ZNF469: variants seen among roughly 807,000 people sequenced by gnomAD.
The protein encoded by ZNF469 is zinc finger protein 469.
Under a neutral mutation model 1.0 loss-of-function variants are expected in ZNF469, and 1 was observed. The ratio of observed to expected loss-of-function variants is 1.00; its 90% confidence interval spans 0.35 to 4.73. The LOEUF (loss-of-function observed/expected upper bound fraction) is 4.73, where lower values mean the gene tolerates loss of function less well. Among genes scored for constraint, ZNF469 ranks in the 30% most tolerant of loss-of-function variants. ZNF469 has a pLI of 0.16. For synonymous variants in ZNF469, 2,703 were observed against 2,363.4 expected, an observed-to-expected ratio of 1.14 and a Z score of -4.17; for missense variants, 6,100 against 5,356.3, an observed-to-expected ratio of 1.14 and a Z score of -4.33.
At chr16:88,134,374 G>A in the ZNF469 span, among the ~76,000 whole-genome samples, 1 of 152,198 alleles carries the variant, frequency 6.6e-6, no homozygotes, top group Non-Finnish European at 1.5e-5. Flanking sequence ...CATGTGCTGG[G>A]AGCTGGGGAC....
the ZNF469 span, among the ~76,000 whole-genome samples, chr16:88,300,126 A>G: frequency 6.6e-6 from 1 of 152,164 alleles, no homozygotes; most frequent in African/African-American, 2.4e-5. Context: ...TGGGAAAAGG[A>G]AACTGGAATT....
the ZNF469 span, among the ~76,000 whole-genome samples, chr16:88,124,463 T>C: frequency 2.0e-5 from 3 of 151,140 alleles, no homozygotes; most frequent in African/African-American, 7.3e-5. Context: ...GCTCAAGCAA[T>C]CCACCAGCCT....
Position 88,432,533 on chromosome 16 carries a change from G to T in ZNF469, c.5063G>T (p.Arg1688Met). 6.5e-7 allele frequency: 1 copy of T among 1,550,362 alleles called. No individual in the cohort carries two copies. The highest frequency in any genetic ancestry group is 8.7e-7 in the Non-Finnish European group (1 of 1,146,976). Residue 1688 changes from arginine (R) to methionine (M), a missense_variant, in exon 3 of 3, where the codon AGG (arginine) becomes ATG (methionine). Physicochemically the swap from Arg to Met is moderately conservative, Grantham distance 91. Transcript: ENST00000565624. ...DLVSGAPFSP[R>M]GANFHFQPVQ... ...GTTTCTGGGGCTCCTTTCAGCCCCA[G>T]GGGAGCCAACTTCCATTTTCAGCCA...
chr16:88,318,200 G>A, the ZNF469 span, among the ~76,000 whole-genome samples: 1 of 152,230 alleles, frequency 6.6e-6, no homozygotes, highest in Non-Finnish European at 1.5e-5. Context: ...CTGGAGGGAG[G>A]CCGCTGGTTC....
At chr16:88,133,019 C>G in the ZNF469 span, among the ~76,000 whole-genome samples, 91,985 of 151,970 alleles carry the variant, frequency 0.61, 30,119 homozygotes, top group Non-Finnish European at 0.77. Context: ...TGCCAGGAGA[C>G]CCGTGGGCAG....
At chr16:88,355,969 G>C in the ZNF469 span, among the ~76,000 whole-genome samples, 2 of 152,174 alleles carry the variant, frequency 1.3e-5, no homozygotes, top group African/African-American at 4.8e-5. Flanking sequence ...AAAGCCTCCG[G>C]CCTGGCAGAC....
rs759081607 is a variant in ZNF469 at position 88,429,503 on chromosome 16, C to A, written c.2033C>A (p.Ala678Asp). The A allele has an allele frequency of 8.6e-5, 133 of 1,549,426 alleles. 1 individual carries two copies. In the African/African-American group the frequency reaches 1.7e-3, roughly 20 times the overall value. Residue 678 changes from alanine to aspartate, a missense_variant, in exon 3 of 3, where the codon GCC (alanine) becomes GAC (aspartate). Ala to Asp is a moderately radical substitution (Grantham distance 126). Coordinates refer to ENST00000565624, the MANE Select transcript of ZNF469 (RefSeq NM_001367624.2). ...CCTTTTCCCGCAGATGGGCTGGGAG[C>A]CGAGGGTGCCTTCCAGTGCCTGGAG... The part of the protein sequence containing the change: ...AFPFPADGLG[A>D]EGAFQCLEET...
At chr16:88,413,211 T>G (rs1905221324) in intron 1 of ZNF469, among the ~76,000 whole-genome samples, 1 of 152,254 alleles carries the variant, frequency 6.6e-6, no homozygotes, top group South Asian at 2.1e-4. Flanking sequence ...CCATCCCGTG[T>G]GCACGAGAGG....
the ZNF469 span, among the ~76,000 whole-genome samples, chr16:88,211,783 T>C: frequency 6.6e-6 from 1 of 152,184 alleles, no homozygotes; most frequent in Non-Finnish European, 1.5e-5. Flanking sequence ...TTCAAGCCGG[T>C]ATGCTTGTGA....
At chr16:88,359,244 G>A in the ZNF469 span, among the ~76,000 whole-genome samples, 2,264 of 151,326 alleles carry the variant, frequency 0.015, 16 homozygotes, top group Non-Finnish European at 0.022. Context: ...GCTTCTGAGC[G>A]TCCCGGGGGC....
the ZNF469 span, among the ~76,000 whole-genome samples, chr16:88,176,766 A>T: frequency 6.6e-6 from 1 of 152,194 alleles, no homozygotes; most frequent in Admixed American, 6.5e-5. Flanking sequence ...CACAACCCCC[A>T]ACGCCCAGCG....
the ZNF469 span, among the ~76,000 whole-genome samples, chr16:88,139,795 C>A: frequency 6.6e-6 from 1 of 152,196 alleles, no homozygotes; most frequent in Non-Finnish European, 1.5e-5. Context: ...AATCTCCAGA[C>A]CTTCTCGACA....
chr16:88,349,094 G>A, the ZNF469 span, among the ~76,000 whole-genome samples: 14 of 152,164 alleles, frequency 9.2e-5, no homozygotes, highest in Admixed American at 5.2e-4. Context: ...GGCTCTGGGC[G>A]GGAGGCAGGA....
chr16:88,248,893 CTG>C, the ZNF469 span, among the ~76,000 whole-genome samples: 3 of 152,154 alleles, frequency 2.0e-5, no homozygotes, highest in South Asian at 4.1e-4. Context: ...GATGATCTCT[CTG>C]TGTGCGCACC....
At chr16:88,248,644 A>G in the ZNF469 span, among the ~76,000 whole-genome samples, 2 of 152,268 alleles carry the variant, frequency 1.3e-5, no homozygotes, top group African/African-American at 4.8e-5. Context: ...AACATTAAAT[A>G]AAAGAGAGAG....
chr16:88,292,925 C>T, the ZNF469 span, among the ~76,000 whole-genome samples: 15 of 152,248 alleles, frequency 9.9e-5, no homozygotes, highest in Non-Finnish European at 1.8e-4. Context: ...CTGAGGAGCA[C>T]GATCCTGACA....
chr16:88,429,045 C>T lies in ZNF469; in HGVS notation c.1575C>T (p.Gly525=). 3 of 1,549,864 alleles carry T rather than the reference C, an allele frequency of 1.9e-6. No individual in the cohort carries two copies. The highest frequency in any genetic ancestry group is 2.6e-6 in the Non-Finnish European group (3 of 1,146,852). The part of the protein sequence containing the change: ...GGSQGALGTA[G]KTPGPREKLP... The stretch of plus-strand genomic sequence containing the variant: ...GCCAAGGAGCCCTGGGCACTGCTGG[C>T]AAGACACCGGGACCCAGAGAGAAGC... Residue 525 remains glycine (G), a synonymous_variant, in exon 3 of 3, where the codon GGC becomes GGT. Transcript: ENST00000565624.
the ZNF469 span, among the ~76,000 whole-genome samples, chr16:88,243,947 TATATAA>T: frequency 3.3e-5 from 4 of 120,194 alleles, no homozygotes; most frequent in African/African-American, 1.3e-4. Flanking sequence ...TATATATATA[TATATAA>T]ATGTATGTGT....
At chr16:88,116,420 C>G in the ZNF469 span, among the ~76,000 whole-genome samples, 1 of 152,332 alleles carries the variant, frequency 6.6e-6, no homozygotes, top group East Asian at 1.9e-4. Context: ...ATGCAAATGG[C>G]ATGGCCACTG....
Sources: allele counts gnomAD v4.1 joint callset (sites outside exome capture counted in the v4.1 genomes callset), GRCh38; gene constraint gnomAD v4.1.1; transcripts MANE v1.5; gene names NCBI Gene and HGNC (gene_info 2026-07-23, HGNC 2026-07-21).